Variants in RYR2 observed in about 807,000 individuals in gnomAD.
RYR2 encodes cardiac muscle ryanodine receptor-calcium release channel.
Under a neutral mutation model 601.1 loss-of-function variants are expected in RYR2, and 227 were observed. The observed-to-expected ratio is 0.38, with a 90% CI of 0.34 to 0.42. The LOEUF is 0.42. RYR2 is among the 10% of genes least tolerant of loss of function. The pLI is 1.00. For missense variants in RYR2, 4,646 were observed against 6,156.5 expected (o/e 0.75, Z 8.21); for synonymous variants, 2,223 against 2,175.1 (o/e 1.02, Z -0.61).
At chr1:237,691,151 T>C (rs1294761136) in intron 63 of RYR2, among the ~76,000 whole-genome samples, 2 of 152,226 alleles carry the variant, frequency 1.3e-5, no homozygotes, top group African/African-American at 4.8e-5. Flanking sequence ...CTGTACTGTC[T>C]TGTATTTCCT....
intron 40 of RYR2, 106 bp from the exon 41 acceptor site, chr1:237,627,701 A>G (rs911403975): frequency 7.6e-6 from 9 of 1,181,684 alleles, no homozygotes; most frequent in Non-Finnish European, 1.0e-5. Flanking sequence ...CAAGCCTGGT[A>G]CAAATAGAAA....
Position 237,734,006 on chromosome 1 carries a change from A to G in RYR2, c.11091+250A>G, listed in dbSNP as rs747424623. On this transcript the variant is annotated intron_variant, in intron 79 of 104. Transcript: ENST00000366574. Reference sequence around the variant, plus strand: ...TGCTGGACATCAATATATTGGAGATAACATGTGAAGAAGAAAGAAGGGCAC... The same window carrying G: ...TGCTGGACATCAATATATTGGAGATGACATGTGAAGAAGAAAGAAGGGCAC... Among the ~76,000 whole-genome samples the G allele has an allele frequency of 3.5e-4, 53 of 152,244 alleles. 1 individual carries two copies. The highest frequency in any genetic ancestry group is 1.3e-3 in the Admixed American group (20 of 15,286).
At chr1:237,512,485 A>C (rs962725373) in intron 24 of RYR2, among the ~76,000 whole-genome samples, 1 of 152,208 alleles carries the variant, frequency 6.6e-6, no homozygotes, top group African/African-American at 2.4e-5. Context: ...GGTATTTCCT[A>C]AACTGATTTC....
At chr1:237,555,809 G>A (rs1670821523) in intron 27 of RYR2, among the ~76,000 whole-genome samples, 1 of 152,108 alleles carries the variant, frequency 6.6e-6, no homozygotes, top group African/African-American at 2.4e-5. Flanking sequence ...CTACAGCTCA[G>A]AGAATTTATA....
At chr1:237,108,049 T>C (rs548866019) in intron 1 of RYR2, among the ~76,000 whole-genome samples, 1 of 152,358 alleles carries the variant, frequency 6.6e-6, no homozygotes, top group Non-Finnish European at 1.5e-5. Flanking sequence ...CTGGTGGTGC[T>C]GGAAACCTCT....
At chr1:237,151,724 G>C (rs1674723586) in intron 1 of RYR2, among the ~76,000 whole-genome samples, 1 of 152,212 alleles carries the variant, frequency 6.6e-6, no homozygotes, top group Non-Finnish European at 1.5e-5. Flanking sequence ...TGAAGGAGCA[G>C]AGGAGGACCT....
chr1:237,103,821 G>A (rs1215667966), intron 1 of RYR2, among the ~76,000 whole-genome samples: 4 of 152,084 alleles, frequency 2.6e-5, no homozygotes, highest in South Asian at 2.1e-4. Flanking sequence ...CACCCGCCTC[G>A]GCCTCCCAAA....
At chr1:237,191,494 A>G (rs150682982) in intron 1 of RYR2, among the ~76,000 whole-genome samples, 3 of 151,058 alleles carry the variant, frequency 2.0e-5, no homozygotes, top group Non-Finnish European at 4.4e-5. Flanking sequence ...TGACTGTCTT[A>G]GATTTTATCG....
chr1:237,663,226 T>A (rs1387920004), intron 56 of RYR2, among the ~76,000 whole-genome samples: 1 of 152,250 alleles, frequency 6.6e-6, no homozygotes, highest in Non-Finnish European at 1.5e-5. Flanking sequence ...ACTTGCCTTA[T>A]AGCATTTTCT....
Position 237,548,509 on chromosome 1 carries a change from G to C in RYR2, c.2985G>C (p.Met995Ile). The change falls in exon 26 of 105, where the codon ATG becomes ATC. Residue 995 changes from methionine to isoleucine, a missense_variant. Met to Ile is a conservative substitution (Grantham distance 10). Transcript: ENST00000366574. ...FIKLTPSQEA[M>I]VDKLAENAHN... ...AACTCACCCCATCACAAGAAGCAATGGTGGACAAGTTGGCAGAAAATGCAC... is the reference window on the plus strand; with the variant it reads ...AACTCACCCCATCACAAGAAGCAATCGTGGACAAGTTGGCAGAAAATGCAC... 6.2e-7 allele frequency: 1 copy of C among 1,613,990 alleles called. No individual in the cohort carries two copies. The highest frequency in any genetic ancestry group is 8.5e-7 in the Non-Finnish European group (1 of 1,179,874).
intron 10 of RYR2, among the ~76,000 whole-genome samples, chr1:237,414,366 T>C (rs984589221): frequency 6.6e-6 from 1 of 152,210 alleles, no homozygotes; most frequent in African/African-American, 2.4e-5. Flanking sequence ...TCTCAAAATA[T>C]GGACCATCAA....
At chr1:237,395,410 G>T (rs1702731645) in intron 10 of RYR2, among the ~76,000 whole-genome samples, 1 of 152,086 alleles carries the variant, frequency 6.6e-6, no homozygotes, top group Admixed American at 6.5e-5. Flanking sequence ...AATTGCAGGT[G>T]AGTAATTGTG....
intron 1 of RYR2, among the ~76,000 whole-genome samples, chr1:237,058,296 T>C (rs4233467): frequency 0.95 from 144,609 of 152,298 alleles, 69,086 homozygotes; most frequent in East Asian, 1. Context: ...TCAGCTCTCC[T>C]ACTATGATAG....
chr1:237,683,926 T>TTTC (rs10675165), intron 62 of RYR2, among the ~76,000 whole-genome samples: 147,294 of 150,090 alleles, frequency 0.98, 72,319 homozygotes, highest in East Asian at 1. Context: ...GGTGGGTCTT[T>TTTC]TTCTTCTTCT....
chr1:237,676,105 A>G (rs1354251491), intron 60 of RYR2, among the ~76,000 whole-genome samples: 1 of 152,176 alleles, frequency 6.6e-6, no homozygotes, highest in Non-Finnish European at 1.5e-5. Flanking sequence ...AAAGCTAAAT[A>G]TTGCAATTTC....
chr1:237,425,325 C>T (rs917833918), intron 12 of RYR2, among the ~76,000 whole-genome samples: 13 of 152,116 alleles, frequency 8.5e-5, no homozygotes, highest in Non-Finnish European at 1.5e-4. Context: ...CACCCCTCCC[C>T]CATGCAATTG....
chr1:237,770,990 G>C, intron 85 of RYR2, 103 bp downstream of exon 85: 1 of 623,976 alleles, frequency 1.6e-6, no homozygotes, highest in East Asian at 3.0e-5. Flanking sequence ...TCGTTCTAGA[G>C]ACAACAAATC....
chr1:237,412,110 C>T lies in RYR2; in HGVS notation c.774-4939C>T, dbSNP rs75679766. Among the ~76,000 whole-genome samples the T allele has an allele frequency of 8.1e-3, 1,230 of 152,134 alleles. 8 individuals are homozygous for T. The highest frequency in any genetic ancestry group is 0.014 in the Admixed American group (210 of 15,254). ...GCCTTAGATTCTAAAGATGAGCTAT[C>T]CTAGCTGTCAAAGTGCCTGCTTTTT... On this transcript the variant is annotated intron_variant, in intron 10 of 104. Coordinates refer to ENST00000366574, the MANE Select transcript of RYR2 (RefSeq NM_001035.3).
chr1:237,393,664 T>C (rs1312014005), intron 10 of RYR2, among the ~76,000 whole-genome samples: 1 of 152,248 alleles, frequency 6.6e-6, no homozygotes, highest in Admixed American at 6.5e-5. Flanking sequence ...AGCCTGGAAC[T>C]GAGAGTTAGA....
Sources: gnomAD v4.1 joint callset for allele counts (sites outside exome capture counted in the v4.1 genomes callset) on GRCh38, gnomAD v4.1.1 for gene constraint, MANE v1.5 for transcripts, NCBI Gene and HGNC (gene_info 2026-07-23, HGNC 2026-07-21) for gene names.